The following FLVCR2 variants were observed in gnomAD, a reference collection of about 807,000 sequenced individuals.
FLVCR2 encodes the protein choline/ethanolamine transporter FLVCR2.
FLVCR2 carries 38 observed loss-of-function variants against 48.9 expected under a neutral mutation model. That is an observed-to-expected ratio of 0.78 (90% CI 0.60 to 1.02). The LOEUF is 1.02. FLVCR2 is among the 50% of genes least tolerant of loss of function. FLVCR2 has a pLI of 0.00. For synonymous variants in FLVCR2, 255 were observed against 257.0 expected (o/e 0.99, Z 0.07); for missense variants, 664 against 663.3 (o/e 1.00, Z -0.01).
intron 1 of FLVCR2, among the ~76,000 whole-genome samples, chr14:75,614,838 CGA>C (rs1013640392): frequency 3.3e-5 from 5 of 151,936 alleles, no homozygotes; most frequent in South Asian, 2.1e-4. Context: ...GGCAAGAGAG[CGA>C]GAGAGAGAGC....
chr14:75,598,713 C>T (rs7140218), intron 1 of FLVCR2, among the ~76,000 whole-genome samples: 19,056 of 152,248 alleles, frequency 0.13, 2,997 homozygotes, highest in African/African-American at 0.37. Flanking sequence ...TGGCCTCAAG[C>T]GATCCTGCTG....
intron 1 of FLVCR2, among the ~76,000 whole-genome samples, chr14:75,600,842 TAGAATGTGTAAAGAACTCTTTACAACTCA>T (rs1889146335): frequency 6.6e-6 from 1 of 151,798 alleles, no homozygotes. Context: ...AATTAATTTC[TAGAATGTGTAAAGAACTCTTTACAACTCA>T]ACCGCAAAAA....
rs542511183 is a variant in FLVCR2, at chr14:75,630,056, C to T, written c.953-3573C>T. On this transcript the variant is annotated intron_variant, in intron 3 of 9. Transcript: ENST00000238667. ...CTTTAAAACAAGGACTAAAGGGAAA[C>T]GCAGAATAACCAAAACCCAAAGATA... is the stretch of plus-strand genomic sequence containing the variant. 1.2e-4 allele frequency among the ~76,000 whole-genome samples: 19 copies of T among 152,312 alleles called. No homozygotes were observed. In the East Asian group the frequency reaches 2.5e-3, roughly 20 times the overall value.
chr14:75,628,661 G>A (rs1055822812), intron 3 of FLVCR2, among the ~76,000 whole-genome samples: 10 of 152,182 alleles, frequency 6.6e-5, no homozygotes, highest in East Asian at 3.8e-4. Flanking sequence ...TGCTGGACTC[G>A]TAAGTTCAGA....
At chr14:75,607,199 C>T (rs1889313842) in intron 1 of FLVCR2, among the ~76,000 whole-genome samples, 1 of 152,108 alleles carries the variant, frequency 6.6e-6, no homozygotes, top group South Asian at 2.1e-4. Context: ...CACAGGGTTG[C>T]CATGAAAGCT....
chr14:75,596,157 C>T (rs1889014143), intron 1 of FLVCR2: 5 of 792,976 alleles, frequency 6.3e-6, no homozygotes, highest in South Asian at 5.4e-5. Flanking sequence ...CCTCTGAAGT[C>T]GTCGGTTGAT....
chr14:75,632,878 A>G (rs1167519783), intron 3 of FLVCR2: 1 of 702,372 alleles, frequency 1.4e-6, no homozygotes, highest in Non-Finnish European at 2.6e-6. Context: ...TGTCTAATCC[A>G]TAGGTATGTG....
chr14:75,597,668 C>T (rs1008121131), intron 1 of FLVCR2, among the ~76,000 whole-genome samples: 1 of 152,126 alleles, frequency 6.6e-6, no homozygotes, highest in African/African-American at 2.4e-5. Context: ...TTCCCAAGTT[C>T]AAGTCATTCT....
At chr14:75,595,435 A>G (rs906383510) in intron 1 of FLVCR2, among the ~76,000 whole-genome samples, 1 of 152,216 alleles carries the variant, frequency 6.6e-6, no homozygotes, top group Non-Finnish European at 1.5e-5. Flanking sequence ...CAGGCTGATC[A>G]TATGGTATCA....
chr14:75,588,190 G>A (rs924457794), intron 1 of FLVCR2, among the ~76,000 whole-genome samples: 1 of 152,192 alleles, frequency 6.6e-6, no homozygotes, highest in Non-Finnish European at 1.5e-5. Context: ...AATTTGTAAT[G>A]AACAGAAATT....
intron 1 of FLVCR2, among the ~76,000 whole-genome samples, chr14:75,598,442 T>A (rs183122240): frequency 5.5e-4 from 84 of 152,174 alleles, no homozygotes; most frequent in Admixed American, 1.5e-3. Flanking sequence ...CTTTTTATAT[T>A]TTTTTTTCTC....
intron 1 of FLVCR2, among the ~76,000 whole-genome samples, chr14:75,607,362 T>A (rs1310229677): frequency 1.3e-5 from 2 of 152,074 alleles, no homozygotes; most frequent in East Asian, 3.8e-4. Flanking sequence ...GCAATTAAAA[T>A]TTTTTTAAGA....
intron 1 of FLVCR2, among the ~76,000 whole-genome samples, chr14:75,586,655 A>G (rs1311621859): frequency 6.6e-6 from 1 of 152,160 alleles, no homozygotes; most frequent in Non-Finnish European, 1.5e-5. Context: ...CCAGGAAGGT[A>G]ATCACCTTAC....
chr14:75,605,823 T>C (rs1345863986), intron 1 of FLVCR2: 2 of 588,942 alleles, frequency 3.4e-6, no homozygotes, highest in African/African-American at 3.7e-5. Flanking sequence ...ACACAGAAGC[T>C]GGAGCAAGGT....
intron 1 of FLVCR2, among the ~76,000 whole-genome samples, chr14:75,601,969 C>T (rs1039781622): frequency 6.6e-6 from 1 of 152,184 alleles, no homozygotes; most frequent in Non-Finnish European, 1.5e-5. Context: ...TAACAACTCA[C>T]AGAACTCAGG....
At chr14:75,645,000 T>C (rs1164932809) in intron 9 of FLVCR2, among the ~76,000 whole-genome samples, 1 of 151,540 alleles carries the variant, frequency 6.6e-6, no homozygotes, top group Non-Finnish European at 1.5e-5. Context: ...GTGATTGTGA[T>C]TTCCAGGTGA....
chr14:75,641,986 C>A, intron 9 of FLVCR2, 88 bp downstream of exon 9: 1 of 1,176,414 alleles, frequency 8.5e-7, no homozygotes, highest in Non-Finnish European at 1.3e-6. Context: ...AGGGAGAACT[C>A]CCACAGGGAC....
intron 1 of FLVCR2, among the ~76,000 whole-genome samples, chr14:75,598,438 A>G (rs533658796): frequency 6.6e-6 from 1 of 151,606 alleles, no homozygotes; most frequent in Non-Finnish European, 1.5e-5. Flanking sequence ...TTGGCTTTTT[A>G]TATTTTTTTT....
At position 75,633,331 on chromosome 14, in the gene FLVCR2, C is replaced by T. The variant is rs1055699361; in HGVS notation, c.953-298C>T. ...ACGCTTAAGAAGAATGTAGATGACT[C>T]TGCCCTGGGAGTAATACTCAACAGA... On this transcript the variant is annotated intron_variant, in intron 3 of 9. Transcript: ENST00000238667. Among the ~76,000 whole-genome samples the T allele has an allele frequency of 3.9e-5, 6 of 152,300 alleles. No homozygotes were observed. The East Asian group carries it at 1.2e-3, about 29-fold the overall frequency.
Sources: gnomAD v4.1 joint callset for allele counts (sites outside exome capture counted in the v4.1 genomes callset) on GRCh38, gnomAD v4.1.1 for gene constraint, MANE v1.5 for transcripts, NCBI Gene and HGNC (gene_info 2026-07-23, HGNC 2026-07-21) for gene names.